Variants in SGCZ observed in about 807,000 individuals in gnomAD.
The protein encoded by SGCZ is sarcoglycan zeta, also known as zeta-sarcoglycan.
A neutral mutation model predicts 41.3 loss-of-function variants in SGCZ; 40 were observed. The observed-to-expected ratio is 0.97, with a 90% CI of 0.75 to 1.26. The LOEUF is 1.26. Ranked by LOEUF, SGCZ falls within the 50% of genes most tolerant of loss-of-function variation. SGCZ has a pLI of 0.00. For missense variants in SGCZ, 552 were observed against 369.8 expected (o/e 1.49, Z -4.04); for synonymous variants, 206 against 137.5 (o/e 1.50, Z -3.49).
chr8:14,581,158 A>C (rs1804875109), intron 1 of SGCZ, among the ~76,000 whole-genome samples: 2 of 152,126 alleles, frequency 1.3e-5, no homozygotes, highest in Admixed American at 1.3e-4. Context: ...CCCAGGCTGC[A>C]GTGCAGTGGT....
rs1252701959 is a variant in SGCZ, at chr8:14,412,365, AT to A, written c.235-88162del. On this transcript the variant is annotated intron_variant, in intron 2 of 7. Coordinates refer to ENST00000382080, the MANE Select transcript of SGCZ (RefSeq NM_139167.4). ...AGTTTGCATCCAATCTACAGCAACT[AT>A]TATAATTATGTGTTTCCCTTTAGAT... is the stretch of plus-strand genomic sequence containing the variant. 9.9e-5 allele frequency among the ~76,000 whole-genome samples: 15 copies of A among 152,238 alleles called. No homozygotes were observed. The East Asian group carries it at 2.3e-3, about 24-fold the overall frequency.
chr8:14,747,959 C>T (rs111630235), intron 1 of SGCZ, among the ~76,000 whole-genome samples: 4,951 of 149,554 alleles, frequency 0.033, 149 homozygotes, highest in African/African-American at 0.071. Context: ...CTCCTGAACT[C>T]AGGTGATTCA....
chr8:14,838,615 T>C (rs1169002873), intron 1 of SGCZ, among the ~76,000 whole-genome samples: 1 of 152,218 alleles, frequency 6.6e-6, no homozygotes, highest in Non-Finnish European at 1.5e-5. Context: ...GAATTCCCAG[T>C]GAAGGCTCTA....
intron 3 of SGCZ, among the ~76,000 whole-genome samples, chr8:14,271,631 A>G (rs541428489): frequency 6.6e-6 from 1 of 152,158 alleles, no homozygotes; most frequent in Non-Finnish European, 1.5e-5. Context: ...CTTGTCCAAT[A>G]TATAGAAAGA....
intron 1 of SGCZ, among the ~76,000 whole-genome samples, chr8:14,900,260 A>G (rs1274399286): frequency 6.6e-6 from 1 of 152,184 alleles, no homozygotes; most frequent in African/African-American, 2.4e-5. Flanking sequence ...CTTTAAGGCA[A>G]AAAGTACTGT....
rs1044908269 is a variant in SGCZ at position 14,486,732 on chromosome 8, C to A, written c.234+68000G>T. The stretch of plus-strand genomic sequence containing the variant: ...AGACCACAGGCTTGCCTCACCATAC[C>A]CAGCTAATTTACTCCTGGGCTCAAG... On this transcript the variant is annotated intron_variant, in intron 2 of 7. Transcript: ENST00000382080. 3.3e-5 allele frequency among the ~76,000 whole-genome samples: 5 copies of A among 152,190 alleles called. No homozygotes were observed. The East Asian group carries it at 9.7e-4, about 29-fold the overall frequency.
At chr8:14,229,650 TAAAA>T (rs10539330) in intron 4 of SGCZ, among the ~76,000 whole-genome samples, 90,177 of 150,236 alleles carry the variant, frequency 0.6, 27,320 homozygotes, top group East Asian at 0.75. Flanking sequence ...TTCTCTAAGT[TAAAA>T]AAAAAAAAAG....
chr8:14,273,579 C>T (rs894046457), intron 3 of SGCZ, among the ~76,000 whole-genome samples: 14 of 152,126 alleles, frequency 9.2e-5, no homozygotes, highest in Admixed American at 9.2e-4. Flanking sequence ...TGTTTAACTA[C>T]ACTACATACT....
chr8:14,937,270 A>C (rs1800114375), intron 1 of SGCZ, among the ~76,000 whole-genome samples: 1 of 149,390 alleles, frequency 6.7e-6, no homozygotes, highest in South Asian at 2.1e-4. Flanking sequence ...TGTTGCATTT[A>C]ATTTGACAAC....
At chr8:14,983,374 A>AT (rs1038753546) in intron 1 of SGCZ, among the ~76,000 whole-genome samples, 20 of 147,596 alleles carry the variant, frequency 1.4e-4, no homozygotes, top group African/African-American at 3.8e-4. Context: ...ATGTATTTTT[A>AT]TTTTTTTTTA....
chr8:14,269,075 T>C (rs1229177993), intron 3 of SGCZ, among the ~76,000 whole-genome samples: 1 of 152,068 alleles, frequency 6.6e-6, no homozygotes, highest in Non-Finnish European at 1.5e-5. Context: ...AACACAATTA[T>C]AAGTGTTTCA....
intron 4 of SGCZ, among the ~76,000 whole-genome samples, chr8:14,185,779 G>A (rs944409451): frequency 6.6e-6 from 1 of 152,124 alleles, no homozygotes; most frequent in Admixed American, 6.5e-5. Flanking sequence ...CTTAAACTGT[G>A]TTGTATGTAA....
intron 1 of SGCZ, among the ~76,000 whole-genome samples, chr8:14,638,526 G>C (rs529934217): frequency 6.6e-6 from 1 of 151,736 alleles, no homozygotes; most frequent in Non-Finnish European, 1.5e-5. Context: ...CCTCCTGCAA[G>C]ACACATTATA....
intron 1 of SGCZ, among the ~76,000 whole-genome samples, chr8:14,918,660 T>C (rs1799506839): frequency 6.6e-6 from 1 of 152,232 alleles, no homozygotes; most frequent in South Asian, 2.1e-4. Flanking sequence ...TGTAAGATTA[T>C]CTCCTCTGAC....
At chr8:14,684,558 A>C (rs563489662) in intron 1 of SGCZ, among the ~76,000 whole-genome samples, 1 of 152,200 alleles carries the variant, frequency 6.6e-6, no homozygotes, top group Non-Finnish European at 1.5e-5. Context: ...TACTGTAAAC[A>C]TGTTGTAGCA....
intron 1 of SGCZ, among the ~76,000 whole-genome samples, chr8:14,737,086 G>C (rs1044603134): frequency 2.0e-5 from 3 of 147,692 alleles, no homozygotes; most frequent in African/African-American, 7.4e-5. Flanking sequence ...TGGTATATAA[G>C]ATATATATCT....
At chr8:14,579,259 A>G (rs969240981) in intron 1 of SGCZ, among the ~76,000 whole-genome samples, 2 of 152,212 alleles carry the variant, frequency 1.3e-5, no homozygotes, top group Non-Finnish European at 1.5e-5. Flanking sequence ...CTATCAAGAT[A>G]CAAAGGAACA....
intron 2 of SGCZ, among the ~76,000 whole-genome samples, chr8:14,382,585 C>T (rs182898752): frequency 6.6e-6 from 1 of 152,202 alleles, no homozygotes; most frequent in African/African-American, 2.4e-5. Context: ...AAAATATGTG[C>T]CACACAATCA....
intron 2 of SGCZ, among the ~76,000 whole-genome samples, chr8:14,412,129 A>C (rs13255213): frequency 0.33 from 50,242 of 151,934 alleles, 8,384 homozygotes; most frequent in Admixed American, 0.36. Flanking sequence ...ATGGTATTAC[A>C]AAATTCTAAT....
Sources: gnomAD v4.1 joint callset for allele counts (sites outside exome capture counted in the v4.1 genomes callset) on GRCh38, gnomAD v4.1.1 for gene constraint, MANE v1.5 for transcripts, NCBI Gene and HGNC (gene_info 2026-07-23, HGNC 2026-07-21) for gene names.